TTC16: variants seen among roughly 807,000 people sequenced by gnomAD.
TTC16 encodes tetratricopeptide repeat domain 16, also known as tetratricopeptide repeat protein 16.
A neutral mutation model predicts 80.4 loss-of-function variants in TTC16; 66 were observed. The ratio of observed to expected loss-of-function variants is 0.82; its 90% CI spans 0.67 to 1.01. The LOEUF is 1.01. TTC16 is among the 50% of genes least tolerant of loss of function. TTC16 has a pLI of 0.00. For synonymous variants in TTC16, 438 were observed against 451.3 expected (o/e 0.97, Z 0.37); for missense variants, 1,070 against 1,103.2 (o/e 0.97, Z 0.43).
At chr9:127,725,481 G>T (rs1309164981) in intron 9 of TTC16, among the ~76,000 whole-genome samples, 1 of 145,076 alleles carries the variant, frequency 6.9e-6, no homozygotes, top group Non-Finnish European at 1.5e-5. Flanking sequence ...GGAGAATGGC[G>T]TGAACCCGGG....
intron 3 of TTC16, 93 bp from the exon 4 acceptor site, chr9:127,717,536 G>C (rs1843137286): frequency 2.5e-6 from 4 of 1,577,742 alleles, no homozygotes; most frequent in Admixed American, 3.4e-5. Flanking sequence ...GATGGGAATT[G>C]GATGTCAACT....
At chr9:127,726,787 CAAAAAAAAAAAAAAAAAA>C (rs55676226) in intron 10 of TTC16, among the ~76,000 whole-genome samples, 165 bp from the exon 11 acceptor site, 2 of 127,738 alleles carry the variant, frequency 1.6e-5, no homozygotes, top group East Asian at 3.3e-4. Context: ...GACTCTGTCT[CAAAAAAAAAAAAAAAAAA>C]AAAAAAAAAA....
chr9:127,729,078 A>G (rs1189644981), intron 12 of TTC16: 2 of 153,872 alleles, frequency 1.3e-5, no homozygotes, highest in African/African-American at 2.4e-5. Context: ...CTGGATTCAA[A>G]CCCGGCCTCT....
chr9:127,729,766 C>T lies in TTC16; in HGVS notation c.1852+98C>T. On this transcript the variant is annotated intron_variant, in intron 13 of 13. Coordinates refer to ENST00000373289, the MANE Select transcript of TTC16 (RefSeq NM_144965.3). Reference sequence around the variant, plus strand: ...ACCGCTGGCCTAGGTGTGCGTTCGGCCCCGCTGCTGACAGCTGGGTGGCCT... The same window carrying T: ...ACCGCTGGCCTAGGTGTGCGTTCGGTCCCGCTGCTGACAGCTGGGTGGCCT... 3 of 1,104,664 alleles carry T rather than the reference C, an allele frequency of 2.7e-6. No homozygotes were observed. In the South Asian group the frequency reaches 3.9e-5, roughly 14 times the overall value. The allele number at this position is 1,104,664 out of a possible 1,614,324, so 68.4% of individuals were successfully genotyped here.
rs1309202013 is a variant in TTC16, at chr9:127,722,410, G to A, written c.658-709G>A. Reference sequence around the variant, plus strand: ...CCAGGCCCGAATCTGGGCTTGGGCAGAGGAGTCTTGGGCTCAAAGGTCAGG... The same window carrying A: ...CCAGGCCCGAATCTGGGCTTGGGCAAAGGAGTCTTGGGCTCAAAGGTCAGG... On this transcript the variant is annotated intron_variant, in intron 6 of 13. Coordinates refer to ENST00000373289, the MANE Select transcript of TTC16 (RefSeq NM_144965.3). The surrounding 1 kb of genome is among the most constrained non-coding windows in gnomAD (Gnocchi z 4.2). Among the ~76,000 whole-genome samples, 1 of 152,198 alleles carries A rather than the reference G, an allele frequency of 6.6e-6. No individual in the cohort carries two copies. The highest frequency in any genetic ancestry group is 1.5e-5 in the Non-Finnish European group (1 of 68,032).
At chr9:127,716,793 G>GGT (rs1346258326) in intron 1 of TTC16, 51 bp from the exon 2 acceptor site, 1 of 1,568,736 alleles carries the variant, frequency 6.4e-7, no homozygotes, top group Non-Finnish European at 8.7e-7. Flanking sequence ...TGTGTCAGTG[G>GGT]GTGGGGGTCG....
In TTC16 at chr9:127,723,160, G is replaced by A. The variant is rs1265240221; in HGVS notation, c.699G>A (p.Leu233=). Residue 233 remains leucine, a synonymous_variant, in exon 7 of 14, where the codon TTG becomes TTA. Transcript: ENST00000373289. ...CYRDLHSALL[L]NPKHPQARML... Reference sequence around the variant, plus strand: ...GGGACCTGCACAGCGCCTTGCTGTTGAATCCCAAGCACCCGCAGGCCAGGA... The same window carrying A: ...GGGACCTGCACAGCGCCTTGCTGTTAAATCCCAAGCACCCGCAGGCCAGGA... 5 of 1,612,462 alleles carry A rather than the reference G, an allele frequency of 3.1e-6. No individual in the cohort carries two copies. In the African/African-American group the frequency reaches 5.3e-5, roughly 17 times the overall value.
intron 1 of TTC16, 136 bp downstream of exon 1, chr9:127,716,299 C>T (rs1253138592): frequency 7.7e-7 from 1 of 1,299,720 alleles, no homozygotes; most frequent in Non-Finnish European, 1.1e-6. Context: ...GCCGCCATGC[C>T]AAGAACCAGG....
In TTC16 at chr9:127,730,062, G is replaced by A. The variant is rs1000933978; in HGVS notation, c.1852+394G>A. 8 of 233,190 alleles carry A rather than the reference G, an allele frequency of 3.4e-5. No individual in the cohort carries two copies. The South Asian group carries it at 4.6e-4, about 13-fold the overall frequency. The allele number at this position is 233,190 out of a possible 1,614,324, so 14.4% of individuals were successfully genotyped here. On this transcript the variant is annotated intron_variant, in intron 13 of 13. Transcript: ENST00000373289. Reference sequence around the variant, plus strand: ...TGTGCGCAGTCCTCGCTCGGGAGGCGAGTGGCAGGGCCCAGGCCCCTTCTT... The same window carrying A: ...TGTGCGCAGTCCTCGCTCGGGAGGCAAGTGGCAGGGCCCAGGCCCCTTCTT...
Position 127,724,856 on chromosome 9 carries a change from C to A in TTC16, c.1218C>A (p.Gly406=). 6.3e-7 allele frequency: 1 copy of A among 1,584,304 alleles called. No homozygotes were observed. Among genetic ancestry groups the A allele is most frequent in the Non-Finnish European group, 8.6e-7 (1 of 1,167,496 alleles). Residue 406 remains glycine, a synonymous_variant, in exon 9 of 14, where the codon GGC becomes GGA. Coordinates refer to ENST00000373289, the MANE Select transcript of TTC16 (RefSeq NM_144965.3). ...PQDEGANTRM[G]LLQEKMGFCE... ...ACGAGGGCGCCAACACGCGCATGGGCCTGCTGCAGGAGAAGATGGGCTTCT... is the reference window on the plus strand; with the variant it reads ...ACGAGGGCGCCAACACGCGCATGGGACTGCTGCAGGAGAAGATGGGCTTCT...
intron 1 of TTC16, 192 bp downstream of exon 1, chr9:127,716,355 T>G (rs879894828): frequency 1.2e-6 from 1 of 815,414 alleles, no homozygotes; most frequent in Non-Finnish European, 1.9e-6. Flanking sequence ...TGGACAGAGG[T>G]CTCTGGCTTG....
chr9:127,719,202 T>C (rs1281785127), intron 4 of TTC16, among the ~76,000 whole-genome samples: 2 of 149,174 alleles, frequency 1.3e-5, no homozygotes, highest in African/African-American at 5.0e-5. Flanking sequence ...CAGAACAAGA[T>C]GCTGTCTCAA....
At chr9:127,723,464 A>G (rs1443551930) in intron 7 of TTC16, 131 bp downstream of exon 7, 5 of 866,114 alleles carry the variant, frequency 5.8e-6, no homozygotes, top group Admixed American at 4.9e-5. Flanking sequence ...GTCTTTCCCT[A>G]CTTCCTACTG....
At chr9:127,730,097 A>G in intron 13 of TTC16, 1 of 212,294 alleles carries the variant, frequency 4.7e-6, no homozygotes, top group South Asian at 8.1e-5. Context: ...TCATTTTGTG[A>G]ATCCAGCAAA....
intron 4 of TTC16, among the ~76,000 whole-genome samples, chr9:127,719,660 T>C (rs1402986256): frequency 6.6e-6 from 1 of 152,132 alleles, no homozygotes; most frequent in African/African-American, 2.4e-5. Flanking sequence ...ACCTAGCTGA[T>C]TTTTGTATTT....
At position 127,720,543 on chromosome 9, in the gene TTC16, C is replaced by T. The variant is rs750612254; in HGVS notation, c.657+148C>T. 2.9e-5 allele frequency: 31 copies of T among 1,055,524 alleles called. No homozygotes were observed. In the East Asian group the frequency reaches 5.0e-4, roughly 17 times the overall value. 65.4% of individuals were successfully genotyped at this position (1,055,524 alleles called of 1,614,324 possible). A position where few individuals can be genotyped will look rare whatever the true frequency, so the allele number is the denominator to read the frequency against. On this transcript the variant is annotated intron_variant, in intron 6 of 13. Coordinates refer to ENST00000373289, the MANE Select transcript of TTC16 (RefSeq NM_144965.3). ...GTGCTGTCCTCCCTGGGAAGAGGCCCACACTGGCCTGGACCACTCAACTAC... is the reference window on the plus strand; with the variant it reads ...GTGCTGTCCTCCCTGGGAAGAGGCCTACACTGGCCTGGACCACTCAACTAC...
intron 6 of TTC16, among the ~76,000 whole-genome samples, chr9:127,720,815 TTTCTTCCCTCCTGCCTTCCC>T (rs1843398265): frequency 1.3e-4 from 2 of 15,742 alleles, no homozygotes; most frequent in African/African-American, 2.2e-4. Context: ...TCCCTCCTTC[TTTCTTCCCTCCTGCCTTCCC>T]TCCTCCCTTC....
chr9:127,730,731 C>T lies in TTC16; in HGVS notation c.1948C>T (p.Leu650=). 1 of 1,613,654 alleles carries T rather than the reference C, an allele frequency of 6.2e-7. No homozygotes were observed. The highest frequency in any genetic ancestry group is 1.3e-5 in the African/African-American group (1 of 75,064). The change falls in exon 14 of 14, where the codon CTG becomes TTG. Residue 650 remains leucine (L), a synonymous_variant. Transcript: ENST00000373289. ...CGCCGTGACATTCTCTGACTCGTCACTGTTGAAGACGCAATCCTCGGACTC... is the reference window on the plus strand; with the variant it reads ...CGCCGTGACATTCTCTGACTCGTCATTGTTGAAGACGCAATCCTCGGACTC... ...ATAVTFSDSS[L]LKTQSSDSGN... is the part of the protein sequence containing the mutation.
intron 1 of TTC16, chr9:127,716,506 G>C: frequency 1.9e-6 from 1 of 537,442 alleles, no homozygotes; most frequent in Non-Finnish European, 3.3e-6. Flanking sequence ...CTGAGACTTG[G>C]GACCAGGCCT....
Sources: gnomAD v4.1 joint callset for allele counts (sites outside exome capture counted in the v4.1 genomes callset) on GRCh38, gnomAD v4.1.1 for gene constraint, Gnocchi (gnomAD v3.1) non-coding constraint, MANE v1.5 for transcripts, NCBI Gene and HGNC (gene_info 2026-07-23, HGNC 2026-07-21) for gene names.